The following PALS1 variants were observed in gnomAD, a reference collection of about 807,000 sequenced individuals.
The protein encoded by PALS1 is protein PALS1.
PALS1 carries 31 observed loss-of-function variants against 78.9 expected under a neutral mutation model. The observed-to-expected ratio is 0.39, with a 90% confidence interval of 0.30 to 0.53. PALS1 has a LOEUF of 0.53. PALS1 is among the 20% of genes least tolerant of loss of function. The probability of loss-of-function intolerance (pLI) is 0.67; values close to 1 mark genes in which losing one functional copy is unlikely to be tolerated. For synonymous variants in PALS1, 276 were observed against 270.9 expected (o/e 1.02, Z -0.18); for missense variants, 704 against 826.5 (o/e 0.85, Z 1.82).
Position 67,312,501 on chromosome 14 carries a change from T to G in PALS1, c.1042-26T>G, listed in dbSNP as rs772739376. ...AAACATTTTATATTGCCATTTATTG[T>G]TGTTTTTGCCCTTTTTATCTTTTAG... On this transcript the variant is annotated intron_variant, in intron 8 of 14. Transcript: ENST00000261681. 4 of 1,481,138 alleles carry G rather than the reference T, an allele frequency of 2.7e-6. No individual in the cohort carries two copies. The South Asian group carries it at 4.5e-5, about 17-fold the overall frequency. The allele number at this position is 1,481,138 out of a possible 1,614,324, so 91.7% of individuals were successfully genotyped here.
At position 67,318,544 on chromosome 14, in the gene PALS1, T is replaced by C. The variant is rs539198001; in HGVS notation, c.1369+1065T>C. Among the ~76,000 whole-genome samples, 49 of 152,318 alleles carry C rather than the reference T, an allele frequency of 3.2e-4. No individual in the cohort carries two copies. In the South Asian group the frequency reaches 9.9e-3, roughly 31 times the overall value. On this transcript the variant is annotated intron_variant, in intron 11 of 14. Coordinates refer to ENST00000261681, the MANE Select transcript of PALS1 (RefSeq NM_022474.4). ...TACACACTGAGTCTATAAATTAAAA[T>C]GCTACCAGTCTTGATTATACGTGTT... is the stretch of plus-strand genomic sequence containing the variant.
At chr14:67,245,539 T>TG (rs1205584871) in intron 1 of PALS1, among the ~76,000 whole-genome samples, 1 of 152,150 alleles carries the variant, frequency 6.6e-6, no homozygotes, top group Non-Finnish European at 1.5e-5. Flanking sequence ...TCTTTAGGGA[T>TG]GGGGTCTCAC....
Position 67,333,079 on chromosome 14 carries a change from G to A in PALS1, c.*123G>A. The A allele has an allele frequency of 1.2e-6, 1 of 808,616 alleles. No individual in the cohort carries two copies. The allele number at this position is 808,616 out of a possible 1,614,324, so 50.1% of individuals were successfully genotyped here. A position where few individuals can be genotyped will look rare whatever the true frequency, so the allele number is the denominator to read the frequency against. ...AGGCAGCAGTATAAGCTGTAGATCT[G>A]TTCTTAGATCTCTTGAATTAGTGAG... is the stretch of plus-strand genomic sequence containing the variant. On this transcript the variant is annotated 3_prime_UTR_variant, in exon 15 of 15. Transcript: ENST00000261681.
chr14:67,273,195 C>G (rs548774287), intron 2 of PALS1, among the ~76,000 whole-genome samples: 6 of 151,784 alleles, frequency 4.0e-5, no homozygotes, highest in African/African-American at 1.2e-4. Context: ...TATGCATGTG[C>G]CATGTTGGTG....
At chr14:67,309,281 T>A (rs970100283) in intron 8 of PALS1, among the ~76,000 whole-genome samples, 3 of 152,138 alleles carry the variant, frequency 2.0e-5, no homozygotes, top group Middle Eastern at 3.2e-3. Context: ...CTTCTAGAAC[T>A]GGTAAGAATT....
intron 3 of PALS1, among the ~76,000 whole-genome samples, chr14:67,283,902 C>T (rs1204152645): frequency 1.3e-5 from 2 of 152,152 alleles, no homozygotes; most frequent in Admixed American, 6.5e-5. Flanking sequence ...AGATTTGCTT[C>T]GTTGTCTTAC....
chr14:67,291,572 T>G (rs909659141), intron 3 of PALS1, among the ~76,000 whole-genome samples: 3 of 152,178 alleles, frequency 2.0e-5, no homozygotes, highest in African/African-American at 7.2e-5. Flanking sequence ...CGTGAGCCAC[T>G]GCGCCCAGCC....
chr14:67,266,875 C>T (rs564864140), intron 1 of PALS1, among the ~76,000 whole-genome samples: 3 of 152,006 alleles, frequency 2.0e-5, no homozygotes, highest in South Asian at 2.1e-4. Flanking sequence ...GTTGGGAGGC[C>T]GAGGTGGACA....
chr14:67,262,863 C>G (rs896364560), intron 1 of PALS1, among the ~76,000 whole-genome samples: 6 of 152,138 alleles, frequency 3.9e-5, no homozygotes, highest in African/African-American at 1.4e-4. Flanking sequence ...CCATATACAG[C>G]AAAGCCATAT....
intron 14 of PALS1, among the ~76,000 whole-genome samples, chr14:67,327,503 ATTATAC>A (rs1055133098): frequency 2.7e-5 from 4 of 146,068 alleles, no homozygotes; most frequent in African/African-American, 1.0e-4. Flanking sequence ...TTATTTTTTT[ATTATAC>A]TTTAAGTTCT....
At chr14:67,261,423 A>T (rs1292803934) in intron 1 of PALS1, among the ~76,000 whole-genome samples, 1 of 152,202 alleles carries the variant, frequency 6.6e-6, no homozygotes, top group Non-Finnish European at 1.5e-5. Context: ...GAGTTGGTAT[A>T]GTTATAAGTA....
At chr14:67,249,647 T>A (rs1460586817) in intron 1 of PALS1, among the ~76,000 whole-genome samples, 1 of 152,250 alleles carries the variant, frequency 6.6e-6, no homozygotes, top group Non-Finnish European at 1.5e-5. Context: ...TCTTTTGAGT[T>A]ATGCTTTTTT....
chr14:67,279,140 TA>T lies in PALS1; in HGVS notation c.-26del. On this transcript the variant is annotated 5_prime_UTR_variant, in exon 3 of 15. Coordinates refer to ENST00000261681, the MANE Select transcript of PALS1 (RefSeq NM_022474.4). Reference sequence around the variant, plus strand: ...TTGGCTTATAGGAAAAATTGATTTATAAAAAGTGGTACAGGTTTTCATAGAT... The same window carrying T: ...TTGGCTTATAGGAAAAATTGATTTATAAAAGTGGTACAGGTTTTCATAGAT... The T allele has an allele frequency of 6.6e-7, 1 of 1,507,380 alleles. No homozygotes were observed. The highest frequency in any genetic ancestry group is 1.4e-5 in the South Asian group (1 of 71,192). 93.4% of individuals were successfully genotyped at this position (1,507,380 alleles called of 1,614,324 possible).
At position 67,244,962 on chromosome 14, in the gene PALS1, A is replaced by C. The variant is rs142581461; in HGVS notation, c.-237+3429A>C. Among the ~76,000 whole-genome samples the C allele has an allele frequency of 5.7e-3, 861 of 152,322 alleles. 17 individuals are homozygous for C. The highest frequency in any genetic ancestry group is 0.042 in the Admixed American group (637 of 15,298). On this transcript the variant is annotated intron_variant, in intron 1 of 14. Transcript: ENST00000261681. The stretch of plus-strand genomic sequence containing the variant: ...AAGAGAGAGGCAGAAGAGTAGAGTC[A>C]GGAAAAAAAGATGTAACAATTGGTC...
At chr14:67,280,739 G>A (rs1405711652) in intron 3 of PALS1, among the ~76,000 whole-genome samples, 2 of 151,864 alleles carry the variant, frequency 1.3e-5, no homozygotes, top group Admixed American at 1.3e-4. Flanking sequence ...AAGGTACCAT[G>A]TATATGCCAG....
In PALS1 at chr14:67,301,964, T is replaced by C; in HGVS notation, c.655-8T>C. 6.3e-7 allele frequency: 1 copy of C among 1,581,156 alleles called. No homozygotes were observed. Among genetic ancestry groups the C allele is most frequent in the Non-Finnish European group, 8.6e-7 (1 of 1,168,756 alleles). On this transcript the variant is annotated splice_polypyrimidine_tract_variant and splice_region_variant and intron_variant, in intron 5 of 14. Transcript: ENST00000261681. ...TTACTTAAAATGCCATGGATTTCTT[T>C]GAAACAGGCACTTTTACTGGCCCAC...
intron 8 of PALS1, among the ~76,000 whole-genome samples, chr14:67,307,117 TG>T (rs1333868329): frequency 1.3e-5 from 2 of 152,224 alleles, no homozygotes; most frequent in African/African-American, 2.4e-5. Context: ...TAGCAATCAG[TG>T]GCTGCTCTTT....
intron 14 of PALS1, among the ~76,000 whole-genome samples, chr14:67,327,080 C>T (rs2085369085): frequency 6.6e-6 from 1 of 152,072 alleles, no homozygotes; most frequent in Non-Finnish European, 1.5e-5. Context: ...GAGGCTGAGG[C>T]CGGAGAATCA....
intron 9 of PALS1, among the ~76,000 whole-genome samples, chr14:67,315,891 C>T (rs2085166015): frequency 6.6e-6 from 1 of 152,256 alleles, no homozygotes; most frequent in Admixed American, 6.5e-5. Flanking sequence ...CGCCACTGCA[C>T]TCCAGCCTGG....
Sources: gnomAD v4.1 joint callset for allele counts (sites outside exome capture counted in the v4.1 genomes callset) on GRCh38, gnomAD v4.1.1 for gene constraint, MANE v1.5 for transcripts, NCBI Gene and HGNC (gene_info 2026-07-23, HGNC 2026-07-21) for gene names.